The following DENND1C variants were observed in gnomAD, a reference collection of about 807,000 sequenced individuals.
The protein encoded by DENND1C is DENN domain-containing protein 1C.
In DENND1C, 64 loss-of-function variants were observed where a neutral mutation model predicts 87.9. The ratio of observed to expected loss-of-function variants is 0.73; its 90% CI spans 0.60 to 0.90. The LOEUF is 0.90. DENND1C is among the 40% of genes least tolerant of loss of function. The probability of loss-of-function intolerance (pLI) is 0.00; values close to 1 mark genes in which losing one functional copy is unlikely to be tolerated. For missense variants in DENND1C, 980 were observed against 1,037.0 expected, an observed-to-expected ratio of 0.95 and a Z score of 0.76; for synonymous variants, 384 against 424.4, an observed-to-expected ratio of 0.90 and a Z score of 1.17.
intron 18 of DENND1C, 36 bp from the exon 19 acceptor site, chr19:6,469,676 G>A (rs757964791): frequency 1.3e-6 from 2 of 1,585,626 alleles, no homozygotes; most frequent in Admixed American, 1.8e-5. Context: ...CCCAAGGGTG[G>A]TGGGATCCTG....
chr19:6,470,252 C>G (rs1292725066), intron 18 of DENND1C, 43 bp downstream of exon 18: 3 of 1,575,094 alleles, frequency 1.9e-6, no homozygotes, highest in Non-Finnish European at 2.6e-6. Context: ...GTCCCCTCCC[C>G]CTCGTCACCC....
At chr19:6,477,839 G>A (rs1043180461) in intron 6 of DENND1C, among the ~76,000 whole-genome samples, 2 of 149,640 alleles carry the variant, frequency 1.3e-5, no homozygotes, top group African/African-American at 2.4e-5. Context: ...TGAGGCATGC[G>A]GATCACCTGA....
At chr19:6,479,190 T>A (rs2092881942) in intron 4 of DENND1C, 134 bp from the exon 5 acceptor site, 1 of 1,282,400 alleles carries the variant, frequency 7.8e-7, no homozygotes, top group Admixed American at 2.7e-5. Flanking sequence ...TCTGGATCCC[T>A]GGGTCTCAGA....
At chr19:6,478,238 C>A (rs929211340) in intron 6 of DENND1C, among the ~76,000 whole-genome samples, 1 of 151,930 alleles carries the variant, frequency 6.6e-6, no homozygotes, top group Non-Finnish European at 1.5e-5. Context: ...CCACGCCTGG[C>A]TAATTTTTTA....
chr19:6,471,169 C>T, intron 17 of DENND1C, 96 bp downstream of exon 17: 1 of 1,513,642 alleles, frequency 6.6e-7, no homozygotes, highest in Non-Finnish European at 8.9e-7. Flanking sequence ...CGGTCTCAAA[C>T]TTCTGGTCGC....
At chr19:6,480,462 C>CTA (rs1324550541) in intron 1 of DENND1C, 20 of 978,228 alleles carry the variant, frequency 2.0e-5, no homozygotes, top group African/African-American at 1.8e-4. Flanking sequence ...ATCTCTCTCT[C>CTA]TCTATATATA....
chr19:6,472,883 G>C lies in DENND1C; in HGVS notation c.1158+6C>G. On this transcript the variant is annotated splice_donor_region_variant and intron_variant, in intron 15 of 22. Coordinates refer to ENST00000381480, the MANE Select transcript of DENND1C (RefSeq NM_024898.4). ...TCCCAGCTGGACCCTCAGGGCTCTGGCATACCTGTTTGAACAGCTGCAGGT... is the reference window on the plus strand; with the variant it reads ...TCCCAGCTGGACCCTCAGGGCTCTGCCATACCTGTTTGAACAGCTGCAGGT... 1 of 1,537,276 alleles carries C rather than the reference G, an allele frequency of 6.5e-7. No individual in the cohort carries two copies. The highest frequency in any genetic ancestry group is 8.7e-7 in the Non-Finnish European group (1 of 1,143,934).
rs1272813516 is a variant in DENND1C at position 6,469,640 on chromosome 19, C to T, written c.1363G>A (p.Ala455Thr). 2.4e-5 allele frequency: 38 copies of T among 1,605,566 alleles called. No homozygotes were observed. Among genetic ancestry groups the T allele is most frequent in the Non-Finnish European group, 3.2e-5 (38 of 1,176,122 alleles). Reference sequence around the variant, plus strand: ...TGCACCCCCTTCAAGCCACTCTTGGCCTATAAAGGAGTGGACAGAGAATTA... The same window carrying T: ...TGCACCCCCTTCAAGCCACTCTTGGTCTATAAAGGAGTGGACAGAGAATTA... ...QPAVKNMYRSAKSGLKGVQSL... is the reference protein window; with the variant it reads ...QPAVKNMYRSTKSGLKGVQSL... Residue 455 changes from alanine (A) to threonine (T), a missense_variant and splice_region_variant, in exon 19 of 23, where the codon GCC becomes ACC. By Grantham distance (58) the Ala-to-Thr change is moderately conservative. Coordinates refer to ENST00000381480, the MANE Select transcript of DENND1C (RefSeq NM_024898.4).
At position 6,467,906 on chromosome 19, in the gene DENND1C, C is replaced by A; in HGVS notation, c.2004G>T (p.Gly668=). The A allele has an allele frequency of 6.2e-7, 1 of 1,612,998 alleles. No homozygotes were observed. The highest frequency in any genetic ancestry group is 8.5e-7 in the Non-Finnish European group (1 of 1,179,538). ...CTGTGAGAGGAGAGGGTTTGGGGTC[C>A]CCCCAGATGCTTGGGTCTGCAGAAG... ...STASADPSIW[G]DPKPSPLTEP... is the part of the protein sequence containing the mutation. Residue 668 remains glycine, a synonymous_variant, in exon 23 of 23, where the codon GGG becomes GGT. Transcript: ENST00000381480.
chr19:6,476,097 C>G (rs2092858396), intron 10 of DENND1C, 160 bp from the exon 11 acceptor site: 1 of 713,412 alleles, frequency 1.4e-6, no homozygotes, highest in African/African-American at 1.8e-5. Context: ...ATGTGGAGAC[C>G]AGGAATTTGG....
At chr19:6,474,436 G>T (rs1277374509) in intron 14 of DENND1C, among the ~76,000 whole-genome samples, 1 of 152,128 alleles carries the variant, frequency 6.6e-6, no homozygotes, top group Non-Finnish European at 1.5e-5. Flanking sequence ...AACAGGGGAG[G>T]GGGCTTCAGA....
In DENND1C at chr19:6,470,057, G is replaced by A. The variant is rs564686250; in HGVS notation, c.1362+238C>T. ...AAATCTTGGCTGTCAATTTTAAAGGGGCCGTGGGCGGGGCGGAGGGGGGCG... is the reference window on the plus strand; with the variant it reads ...AAATCTTGGCTGTCAATTTTAAAGGAGCCGTGGGCGGGGCGGAGGGGGGCG... On this transcript the variant is annotated intron_variant, in intron 18 of 22. Coordinates refer to ENST00000381480, the MANE Select transcript of DENND1C (RefSeq NM_024898.4). 5.1e-5 allele frequency: 26 copies of A among 512,084 alleles called. No homozygotes were observed. In the East Asian group the frequency reaches 8.1e-4, roughly 16 times the overall value. 31.7% of individuals were successfully genotyped at this position (512,084 alleles called of 1,614,324 possible).
chr19:6,480,176 G>T, intron 1 of DENND1C, 125 bp from the exon 2 acceptor site: 1 of 1,495,454 alleles, frequency 6.7e-7, no homozygotes. Context: ...GCATGACTCT[G>T]GGGGTTTGTG....
chr19:6,472,937 A>T lies in DENND1C; in HGVS notation c.1110T>A (p.Pro370=), dbSNP rs1161698535. 1.9e-6 allele frequency: 3 copies of T among 1,593,260 alleles called. No homozygotes were observed. Among genetic ancestry groups the T allele is most frequent in the African/African-American group, 1.3e-5 (1 of 74,220 alleles). Residue 370 remains proline (P), a synonymous_variant, in exon 15 of 23, where the codon CCT becomes CCA. Coordinates refer to ENST00000381480, the MANE Select transcript of DENND1C (RefSeq NM_024898.4). ...EVFLAQKPGA[P]LQAFHRRAVH... is the part of the protein sequence containing the mutation. ...CAGCCCGCCGGTGGAAGGCCTGCAG[A>T]GGTGCCCCAGGCTTCTGGGCCAAGA...
intron 17 of DENND1C, 114 bp from the exon 18 acceptor site, chr19:6,470,480 C>T (rs2092821474): frequency 2.9e-6 from 3 of 1,043,886 alleles, no homozygotes; most frequent in Non-Finnish European, 1.4e-6. Flanking sequence ...CATTTTTTCA[C>T]CTCTATAAAT....
At chr19:6,479,255 G>GT (rs1484395107) in intron 4 of DENND1C, among the ~76,000 whole-genome samples, 199 bp from the exon 5 acceptor site, 3 of 150,858 alleles carry the variant, frequency 2.0e-5, no homozygotes, top group African/African-American at 7.4e-5. Flanking sequence ...CTGAGTCCCT[G>GT]GGTCCCTGGA....
At position 6,476,957 on chromosome 19, in the gene DENND1C, G is replaced by C. The variant is rs1241036957; in HGVS notation, c.578C>G (p.Thr193Arg). 3 of 1,613,562 alleles carry C rather than the reference G, an allele frequency of 1.9e-6. No individual in the cohort carries two copies. The highest frequency in any genetic ancestry group is 1.3e-5 in the African/African-American group (1 of 74,900). Residue 193 changes from threonine to arginine, a missense_variant, in exon 10 of 23, where the codon ACG (threonine) becomes AGG (arginine). Coordinates refer to ENST00000381480, the MANE Select transcript of DENND1C (RefSeq NM_024898.4). ...LPSIPENRNLTELVVAVTDEN... is the reference protein window; with the variant it reads ...LPSIPENRNLRELVVAVTDEN... ...GTCAGTCACGGCCACCACCAGCTCC[G>C]TTAGGTTCCTCTGAGGATCAGAGAG...
intron 14 of DENND1C, among the ~76,000 whole-genome samples, chr19:6,474,907 A>G (rs2092849457): frequency 6.6e-6 from 1 of 152,084 alleles, no homozygotes; most frequent in Non-Finnish European, 1.5e-5. Context: ...CGTTTTTACT[A>G]AAACTACAAA....
chr19:6,474,973 G>A, intron 14 of DENND1C, among the ~76,000 whole-genome samples: 1 of 152,026 alleles, frequency 6.6e-6, no homozygotes, highest in Non-Finnish European at 1.5e-5. Flanking sequence ...GGAGTCTGAG[G>A]CAGGAGAATC....
Sources: gnomAD v4.1 joint callset for allele counts (sites outside exome capture counted in the v4.1 genomes callset) on GRCh38, gnomAD v4.1.1 for gene constraint, MANE v1.5 for transcripts, NCBI Gene and HGNC (gene_info 2026-07-23, HGNC 2026-07-21) for gene names.